The following SPOCK3 variants were observed in gnomAD, a reference collection of about 807,000 sequenced individuals.
SPOCK3 encodes SPARC (osteonectin), cwcv and kazal like domains proteoglycan 3, also known as testican-3.
In SPOCK3, 30 loss-of-function variants were observed where a neutral mutation model predicts 56.6. The ratio of observed to expected loss-of-function variants is 0.53; its 90% confidence interval spans 0.40 to 0.72. SPOCK3 has a LOEUF of 0.72. Among genes scored for constraint, SPOCK3 ranks in the 30% least tolerant of loss-of-function variants. The probability of loss-of-function intolerance (pLI) is 0.00; values close to 1 mark genes in which losing one functional copy is unlikely to be tolerated. For synonymous variants in SPOCK3, 196 were observed against 183.3 expected (o/e 1.07, Z -0.56); for missense variants, 527 against 530.0 (o/e 0.99, Z 0.06).
chr4:166,980,724 G>C (rs1453740892), intron 4 of SPOCK3, among the ~76,000 whole-genome samples: 1 of 152,244 alleles, frequency 6.6e-6, no homozygotes, highest in Non-Finnish European at 1.5e-5. Context: ...GGCTGGATCA[G>C]ATGTACCGCA....
chr4:167,208,208 A>G (rs562720247), intron 2 of SPOCK3, among the ~76,000 whole-genome samples: 13 of 149,556 alleles, frequency 8.7e-5, no homozygotes, highest in East Asian at 1.9e-4. Context: ...GAAAAGTGGG[A>G]AAAAAAAACT....
chr4:166,795,025 C>T (rs1283381987), intron 6 of SPOCK3, among the ~76,000 whole-genome samples: 1 of 152,126 alleles, frequency 6.6e-6, no homozygotes, highest in Non-Finnish European at 1.5e-5. Flanking sequence ...GTATTCAGCA[C>T]TTGTTTAATA....
chr4:166,792,435 T>C (rs901863945), intron 6 of SPOCK3, 146 bp from the exon 7 acceptor site: 29 of 722,780 alleles, frequency 4.0e-5, no homozygotes, highest in Non-Finnish European at 6.5e-5. Flanking sequence ...AAGTTAAATA[T>C]ATGCCTTAAA....
At chr4:166,969,250 G>A (rs145411588) in intron 4 of SPOCK3, among the ~76,000 whole-genome samples, 14 of 152,274 alleles carry the variant, frequency 9.2e-5, no homozygotes, top group East Asian at 1.9e-4. Context: ...AATGAGTTAC[G>A]ACTTTGGAGA....
rs548593484 is a variant in SPOCK3, at chr4:166,837,421, A to G, written c.590-45132T>C. ...TGGACTCCAGTGATCCTCTTGCCTC[A>G]GTCTCCCAAAATACTGGGATTAAAG... On this transcript the variant is annotated intron_variant, in intron 6 of 10. Transcript: ENST00000357545. Among the ~76,000 whole-genome samples, 30 of 152,228 alleles carry G rather than the reference A, an allele frequency of 2.0e-4. 1 individual carries two copies. Among genetic ancestry groups the G allele is most frequent in the African/African-American group, 6.7e-4 (28 of 41,536 alleles).
At chr4:167,085,862 C>T (rs753011323) in intron 2 of SPOCK3, among the ~76,000 whole-genome samples, 13 of 151,968 alleles carry the variant, frequency 8.6e-5, no homozygotes, top group Non-Finnish European at 1.3e-4. Flanking sequence ...AATGACATCT[C>T]ATTATGATAT....
At chr4:167,049,232 G>C (rs1227265311) in intron 3 of SPOCK3, among the ~76,000 whole-genome samples, 2 of 151,124 alleles carry the variant, frequency 1.3e-5, no homozygotes, top group African/African-American at 4.9e-5. Flanking sequence ...TATTGTCTTT[G>C]AGTTATTTCC....
At chr4:167,195,538 A>T (rs1732860011) in intron 2 of SPOCK3, among the ~76,000 whole-genome samples, 1 of 152,170 alleles carries the variant, frequency 6.6e-6, no homozygotes, top group South Asian at 2.1e-4. Flanking sequence ...GTGAGTCCCT[A>T]GCTGGGCAGG....
chr4:167,183,338 T>C (rs1200277684), intron 2 of SPOCK3, among the ~76,000 whole-genome samples: 1 of 152,166 alleles, frequency 6.6e-6, no homozygotes, highest in Non-Finnish European at 1.5e-5. Context: ...TTCCAAAATA[T>C]CTTTTACACT....
rs774850856 is a variant in SPOCK3, at chr4:167,234,087, G to A, written c.87C>T (p.Ala29=). Reference sequence around the variant, plus strand: ...AATTACCGCCGTCCGACCGCCCCCCGGCTGCAGCCACCGCCGCGGCAGCTG... The same window carrying A: ...AATTACCGCCGTCCGACCGCCCCCCAGCTGCAGCCACCGCCGCGGCAGCTG... The part of the protein sequence containing the change: ...SLAAAAAVAA[A]GGRSDGGNFL... Residue 29 remains alanine (A), a synonymous_variant, in exon 2 of 11, where the codon GCC becomes GCT. Coordinates refer to ENST00000357545, the MANE Select transcript of SPOCK3 (RefSeq NM_001040159.2). The A allele has an allele frequency of 6.2e-7, 1 of 1,613,818 alleles. No homozygotes were observed. Among genetic ancestry groups the A allele is most frequent in the South Asian group, 1.1e-5 (1 of 91,064 alleles).
chr4:166,884,843 C>T (rs924494522), intron 6 of SPOCK3, among the ~76,000 whole-genome samples: 49 of 149,510 alleles, frequency 3.3e-4, no homozygotes, highest in Non-Finnish European at 4.4e-5. Flanking sequence ...AATGCACAAA[C>T]CAGAAAGAAA....
chr4:167,232,722 A>G (rs1737301647), intron 2 of SPOCK3, among the ~76,000 whole-genome samples: 1 of 152,202 alleles, frequency 6.6e-6, no homozygotes, highest in Admixed American at 6.5e-5. Flanking sequence ...TTCATGAAGT[A>G]TGTAGGCAAG....
chr4:167,114,280 C>A (rs2150352178), intron 2 of SPOCK3, among the ~76,000 whole-genome samples: 1 of 152,188 alleles, frequency 6.6e-6, no homozygotes, highest in African/African-American at 2.4e-5. Context: ...GGACGAAAAC[C>A]TAATAGCTAT....
intron 3 of SPOCK3, among the ~76,000 whole-genome samples, chr4:167,022,870 A>T (rs150726218): frequency 6.6e-6 from 1 of 152,126 alleles, no homozygotes; most frequent in African/African-American, 2.4e-5. Flanking sequence ...AGATATGTAG[A>T]TGATCCTCCA....
chr4:167,053,714 T>TA lies in SPOCK3; in HGVS notation c.235+8777dup, dbSNP rs527914598. ...ATAAATAAATAAATAAACAAATAAA[T>TA]AAAAAAAAGAGAATTAACTGCAATC... On this transcript the variant is annotated intron_variant, in intron 3 of 10. Coordinates refer to ENST00000357545, the MANE Select transcript of SPOCK3 (RefSeq NM_001040159.2). Among the ~76,000 whole-genome samples the TA allele has an allele frequency of 3.2e-4, 48 of 151,202 alleles. 1 individual carries two copies. In the East Asian group the frequency reaches 6.5e-3, roughly 20 times the overall value.
At chr4:166,989,035 C>T (rs1276579475) in intron 4 of SPOCK3, among the ~76,000 whole-genome samples, 3 of 151,974 alleles carry the variant, frequency 2.0e-5, no homozygotes, top group Non-Finnish European at 2.9e-5. Flanking sequence ...ATCAGTCAAC[C>T]GAATGCTAAA....
intron 2 of SPOCK3, among the ~76,000 whole-genome samples, chr4:167,133,368 G>C (rs143365482): frequency 3.3e-5 from 5 of 152,246 alleles, no homozygotes; most frequent in Non-Finnish European, 7.4e-5. Context: ...ATGTAACACA[G>C]CACTTGAGTT....
At chr4:167,059,209 C>T (rs1303338046) in intron 3 of SPOCK3, among the ~76,000 whole-genome samples, 10 of 152,184 alleles carry the variant, frequency 6.6e-5, no homozygotes, top group East Asian at 3.9e-4. Context: ...TCAGAGTGAA[C>T]AGGCAACCTA....
intron 6 of SPOCK3, among the ~76,000 whole-genome samples, chr4:166,837,771 TC>T (rs924120429): frequency 1.3e-5 from 2 of 152,312 alleles, no homozygotes; most frequent in Non-Finnish European, 2.9e-5. Context: ...TGTCCTTTCT[TC>T]CTTTCTGATG....
Sources: allele counts gnomAD v4.1 joint callset (sites outside exome capture counted in the v4.1 genomes callset), GRCh38; gene constraint gnomAD v4.1.1; transcripts MANE v1.5; gene names NCBI Gene and HGNC (gene_info 2026-07-23, HGNC 2026-07-21).